The following KIAA1328 variants were observed in gnomAD, a reference collection of about 807,000 sequenced individuals.
KIAA1328 encodes KIAA1328, also known as protein hinderin.
A neutral mutation model predicts 68.1 loss-of-function variants in KIAA1328; 52 were observed. The observed-to-expected ratio is 0.76, with a 90% CI of 0.61 to 0.96. The LOEUF (loss-of-function observed/expected upper bound fraction) is 0.96, where lower values mean the gene tolerates loss of function less well. Among genes scored for constraint, KIAA1328 ranks in the 40% least tolerant of loss-of-function variants. The pLI is 0.00. For synonymous variants in KIAA1328, 232 were observed against 239.4 expected, an observed-to-expected ratio of 0.97 and a Z score of 0.28; for missense variants, 641 against 677.6, an observed-to-expected ratio of 0.95 and a Z score of 0.60.
chr18:36,987,804 A>C (rs2053003778), intron 6 of KIAA1328, among the ~76,000 whole-genome samples: 1 of 151,954 alleles, frequency 6.6e-6, no homozygotes, highest in Admixed American at 6.6e-5. Flanking sequence ...ATTGCATGTC[A>C]GTCATATCTC....
At chr18:36,936,304 T>C (rs2050496614) in intron 5 of KIAA1328, among the ~76,000 whole-genome samples, 1 of 152,082 alleles carries the variant, frequency 6.6e-6, no homozygotes, top group African/African-American at 2.4e-5. Context: ...GGCCCTGGTG[T>C]GTGTTGTTCC....
At chr18:36,881,834 AT>A (rs2048337905) in intron 4 of KIAA1328, among the ~76,000 whole-genome samples, 1 of 152,166 alleles carries the variant, frequency 6.6e-6, no homozygotes, top group Non-Finnish European at 1.5e-5. Flanking sequence ...GTATAGACAC[AT>A]TTTGGTTATC....
At chr18:36,940,140 G>C (rs1247108356) in intron 5 of KIAA1328, among the ~76,000 whole-genome samples, 1 of 152,170 alleles carries the variant, frequency 6.6e-6, no homozygotes, top group Non-Finnish European at 1.5e-5. Flanking sequence ...CAGAAAAGCT[G>C]CTTTTCTTGA....
intron 5 of KIAA1328, among the ~76,000 whole-genome samples, chr18:36,904,456 C>G (rs1011441749): frequency 6.6e-6 from 1 of 151,886 alleles, no homozygotes; most frequent in Non-Finnish European, 1.5e-5. Context: ...ATGAATTCAC[C>G]CCTTTATCAT....
chr18:36,866,648 C>G (rs938186326), intron 4 of KIAA1328, among the ~76,000 whole-genome samples: 2 of 151,874 alleles, frequency 1.3e-5, no homozygotes, highest in Non-Finnish European at 2.9e-5. Flanking sequence ...CCTATCTTGC[C>G]TGATATATTG....
chr18:37,136,917 G>A (rs1447568160), intron 7 of KIAA1328, among the ~76,000 whole-genome samples: 1 of 152,208 alleles, frequency 6.6e-6, no homozygotes, highest in Non-Finnish European at 1.5e-5. Context: ...TAGCTGTTTA[G>A]TGATCACTAC....
chr18:36,964,205 G>A (rs1404353831), intron 6 of KIAA1328, among the ~76,000 whole-genome samples: 1 of 152,090 alleles, frequency 6.6e-6, no homozygotes, highest in African/African-American at 2.4e-5. Flanking sequence ...ACTCTCCTTG[G>A]CTCTTAATCT....
chr18:37,208,955 C>G (rs1476184651), intron 9 of KIAA1328, among the ~76,000 whole-genome samples: 1 of 152,122 alleles, frequency 6.6e-6, no homozygotes, highest in Non-Finnish European at 1.5e-5. Flanking sequence ...GCTGAAGGAA[C>G]AAGAGACAGT....
intron 8 of KIAA1328, among the ~76,000 whole-genome samples, chr18:37,170,147 C>G (rs532890724): frequency 6.6e-6 from 1 of 152,242 alleles, no homozygotes; most frequent in African/African-American, 2.4e-5. Flanking sequence ...CTGTTCCACT[C>G]TATTCTAAAT....
intron 4 of KIAA1328, among the ~76,000 whole-genome samples, chr18:36,852,341 A>G (rs928557427): frequency 5.9e-5 from 9 of 152,136 alleles, no homozygotes; most frequent in Non-Finnish European, 2.9e-5. Context: ...AGGCTGAAAG[A>G]ATGAGGGTCA....
At chr18:37,078,551 A>C (rs1381167699) in intron 7 of KIAA1328, among the ~76,000 whole-genome samples, 8 of 147,460 alleles carry the variant, frequency 5.4e-5, no homozygotes, top group Non-Finnish European at 3.0e-5. Context: ...CAACCTACAA[A>C]ATGGGAGAAA....
chr18:37,144,971 A>C (rs1568462553), intron 7 of KIAA1328, among the ~76,000 whole-genome samples: 1 of 152,144 alleles, frequency 6.6e-6, no homozygotes, highest in Non-Finnish European at 1.5e-5. Context: ...TTGGTGGCTC[A>C]TGCCTGTAAT....
intron 7 of KIAA1328, among the ~76,000 whole-genome samples, chr18:37,158,253 G>A (rs186349645): frequency 6.6e-5 from 10 of 152,126 alleles, no homozygotes; most frequent in African/African-American, 1.9e-4. Context: ...TGCCCAGTCC[G>A]ATCTCAAATT....
chr18:36,861,948 G>T (rs762926139), intron 4 of KIAA1328, among the ~76,000 whole-genome samples: 1 of 152,142 alleles, frequency 6.6e-6, no homozygotes. Flanking sequence ...TGGGATTGCA[G>T]GCGTGAGTCA....
intron 4 of KIAA1328, among the ~76,000 whole-genome samples, chr18:36,845,941 A>C (rs1040862547): frequency 4.0e-5 from 6 of 151,630 alleles, no homozygotes; most frequent in Non-Finnish European, 8.9e-5. Context: ...TCAGTGTGTT[A>C]GTACAATGTC....
At chr18:37,197,139 T>TC in intron 9 of KIAA1328, among the ~76,000 whole-genome samples, 1 of 152,050 alleles carries the variant, frequency 6.6e-6, no homozygotes, top group Non-Finnish European at 1.5e-5. Flanking sequence ...TTTGGTTTTT[T>TC]CCCCCAGAGC....
chr18:36,901,505 C>T (rs931614303), intron 5 of KIAA1328, among the ~76,000 whole-genome samples: 1 of 151,958 alleles, frequency 6.6e-6, no homozygotes, highest in African/African-American at 2.4e-5. Flanking sequence ...CAAGAACCAC[C>T]AACTAAAGAA....
intron 5 of KIAA1328, among the ~76,000 whole-genome samples, chr18:36,942,278 T>G (rs1029994779): frequency 6.6e-6 from 1 of 152,236 alleles, no homozygotes; most frequent in Admixed American, 6.5e-5. Flanking sequence ...ACCTGGTGTT[T>G]CTCACAGTGA....
Position 37,225,270 on chromosome 18 carries a change from G to A in KIAA1328, c.*3043G>A, listed in dbSNP as rs538248946. ...TCAGCTCAGAGTGTATTTTGAATATGAGCAAATGTTTATGTACGTATGAGA... is the reference window on the plus strand; with the variant it reads ...TCAGCTCAGAGTGTATTTTGAATATAAGCAAATGTTTATGTACGTATGAGA... On this transcript the variant is annotated 3_prime_UTR_variant, in exon 10 of 10. Coordinates refer to ENST00000280020, the MANE Select transcript of KIAA1328 (RefSeq NM_020776.3). 4.3e-5 allele frequency: 42 copies of A among 985,424 alleles called. No homozygotes were observed. The South Asian group carries it at 1.6e-3, about 36-fold the overall frequency. 61.0% of individuals were successfully genotyped at this position (985,424 alleles called of 1,614,324 possible). A position where few individuals can be genotyped will look rare whatever the true frequency, so the allele number is the denominator to read the frequency against.
Sources: allele counts gnomAD v4.1 joint callset (sites outside exome capture counted in the v4.1 genomes callset), GRCh38; gene constraint gnomAD v4.1.1; transcripts MANE v1.5; gene names NCBI Gene and HGNC (gene_info 2026-07-23, HGNC 2026-07-21).